The following ESR2 variants were observed in gnomAD, a reference collection of about 807,000 sequenced individuals.
ESR2 encodes estrogen receptor beta.
Under a neutral mutation model 49.6 loss-of-function variants are expected in ESR2, and 36 were observed. The ratio of observed to expected loss-of-function variants is 0.73; its 90% CI spans 0.56 to 0.96. The LOEUF is 0.96. Ranked by LOEUF, ESR2 falls within the 40% of genes least tolerant of loss-of-function variation. The pLI is 0.00. For missense variants in ESR2, 714 were observed against 693.0 expected (o/e 1.03, Z -0.34); for synonymous variants, 320 against 266.1 (o/e 1.20, Z -1.97).
intron 3 of ESR2, among the ~76,000 whole-genome samples, chr14:64,278,375 A>T (rs2076598507): frequency 6.6e-6 from 1 of 152,200 alleles, no homozygotes. Flanking sequence ...GGGGACAGGT[A>T]GGAAGGTGAC....
intron 7 of ESR2, among the ~76,000 whole-genome samples, chr14:64,247,240 TTTTA>T (rs1479620963): frequency 1.3e-5 from 2 of 152,244 alleles, no homozygotes; most frequent in African/African-American, 2.4e-5. Flanking sequence ...TATTTTACAC[TTTTA>T]TTTTTCTCAT....
At position 64,230,478 on chromosome 14, in the gene ESR2, A is replaced by AG. The variant is rs1450462503; in HGVS notation, c.*2658dup. Among the ~76,000 whole-genome samples, 3 of 152,126 alleles carry AG rather than the reference A, an allele frequency of 2.0e-5. No homozygotes were observed. The highest frequency in any genetic ancestry group is 4.4e-5 in the Non-Finnish European group (3 of 68,024). On this transcript the variant is annotated 3_prime_UTR_variant, in exon 9 of 9. Transcript: ENST00000341099. ...TAGTTGCCCTTCCAGCTGAGTTAGC[A>AG]GGGGGAGTATTCCAGACCAAGACTC...
At chr14:64,238,271 A>G (rs1204052062) in intron 7 of ESR2, among the ~76,000 whole-genome samples, 1 of 152,168 alleles carries the variant, frequency 6.6e-6, no homozygotes, top group East Asian at 1.9e-4. Context: ...TGGGGCCCAG[A>G]GTCCATCAGC....
At chr14:64,270,952 AAAG>A (rs1164053854) in intron 3 of ESR2, among the ~76,000 whole-genome samples, 1 of 152,262 alleles carries the variant, frequency 6.6e-6, no homozygotes, top group Non-Finnish European at 1.5e-5. Flanking sequence ...TAATGTAAGC[AAAG>A]AAGATGTATA....
intron 1 of ESR2, among the ~76,000 whole-genome samples, chr14:64,315,015 G>A (rs2077235966): frequency 6.6e-6 from 1 of 151,418 alleles, no homozygotes; most frequent in Non-Finnish European, 1.5e-5. Context: ...GGGAGGCCAA[G>A]GCGGGCAGAT....
intron 1 of ESR2, among the ~76,000 whole-genome samples, chr14:64,299,999 T>TAGTCA (rs762395361): frequency 6.6e-6 from 1 of 152,210 alleles, no homozygotes; most frequent in Non-Finnish European, 1.5e-5. Context: ...GTTCTGCTCA[T>TAGTCA]AGTCAAGTCA....
Position 64,260,747 on chromosome 14 carries a change from G to T in ESR2, c.654C>A (p.Gly218=). Residue 218 remains glycine, a splice_region_variant and synonymous_variant, in exon 5 of 9, where the codon GGC becomes GGA. Transcript: ENST00000341099. Reference sequence around the variant, plus strand: ...GGTACCCACATCTCTCTCTCCGGGAGCCTGAAGAGGAAAGCAGAGTCATTC... The same window carrying T: ...GGTACCCACATCTCTCTCTCCGGGATCCTGAAGAGGAAAGCAGAGTCATTC... ...KCYEVGMVKC[G]SRRERCGYRL... 6.8e-7 allele frequency: 1 copy of T among 1,474,288 alleles called. No individual in the cohort carries two copies. The highest frequency in any genetic ancestry group is 9.0e-7 in the Non-Finnish European group (1 of 1,111,768). 91.3% of individuals were successfully genotyped at this position (1,474,288 alleles called of 1,614,324 possible).
chr14:64,307,105 C>G (rs1295394102), intron 1 of ESR2, among the ~76,000 whole-genome samples: 3 of 151,910 alleles, frequency 2.0e-5, no homozygotes, highest in Non-Finnish European at 2.9e-5. Context: ...GCTGTAGAAT[C>G]TGTAGGTTAT....
rs2098727962 is a variant in ESR2 at position 64,232,267 on chromosome 14, A to G, written c.*870T>C. On this transcript the variant is annotated 3_prime_UTR_variant, in exon 9 of 9. Transcript: ENST00000341099. Reference sequence around the variant, plus strand: ...TGTACAAGATGGAAACTGCATCCACATTGCCCCAGGGAAACACTGTGGCTG... The same window carrying G: ...TGTACAAGATGGAAACTGCATCCACGTTGCCCCAGGGAAACACTGTGGCTG... 1 of 152,204 alleles carries G rather than the reference A, an allele frequency of 6.6e-6. No homozygotes were observed. The highest frequency in any genetic ancestry group is 2.4e-5 in the African/African-American group (1 of 41,436). 9.4% of individuals were successfully genotyped at this position (152,204 alleles called of 1,614,324 possible).
In ESR2 at chr14:64,268,886, A is replaced by G. The variant is rs892311182; in HGVS notation, c.561T>C (p.Ala187=). The G allele has an allele frequency of 1.2e-6, 2 of 1,610,854 alleles. No homozygotes were observed. Among genetic ancestry groups the G allele is most frequent in the South Asian group, 1.1e-5 (1 of 91,014 alleles). The part of the protein sequence containing the change: ...IQGHNDYICP[A]TNQCTIDKNR... ...TTTTATCGATTGTACACTGATTTGT[A>G]GCTGGACAAATATAATCATTATGTC... Residue 187 remains alanine, a synonymous_variant, in exon 4 of 9, where the codon GCT becomes GCC. Transcript: ENST00000341099.
chr14:64,235,235 G>A (rs536952896), intron 7 of ESR2, 85 bp from the exon 8 acceptor site: 17 of 1,434,948 alleles, frequency 1.2e-5, no homozygotes, highest in African/African-American at 1.1e-4. Flanking sequence ...CGCCTGCTCC[G>A]AGGTGATCTG....
At chr14:64,289,034 T>C (rs1380559022) in intron 1 of ESR2, among the ~76,000 whole-genome samples, 1 of 150,326 alleles carries the variant, frequency 6.7e-6, no homozygotes, top group African/African-American at 2.4e-5. Flanking sequence ...CCTGTTCTTA[T>C]GTATATTCTA....
chr14:64,230,992 T>C lies in ESR2; in HGVS notation c.*2145A>G, dbSNP rs575839254. The C allele has an allele frequency of 6.7e-6, 1 of 148,374 alleles. No individual in the cohort carries two copies. Among genetic ancestry groups the C allele is most frequent in the Non-Finnish European group, 1.5e-5 (1 of 67,550 alleles). The allele number at this position is 148,374 out of a possible 1,614,324, so 9.2% of individuals were successfully genotyped here. On this transcript the variant is annotated 3_prime_UTR_variant, in exon 9 of 9. Transcript: ENST00000341099. The stretch of plus-strand genomic sequence containing the variant: ...CCTTGATCTCCCCAGGCTCAGGTGA[T>C]CCTCCCACCTCAGCCTCCCAGGTAG...
At chr14:64,333,963 G>A (rs1306985484) in intron 1 of ESR2, among the ~76,000 whole-genome samples, 1 of 151,672 alleles carries the variant, frequency 6.6e-6, no homozygotes, top group East Asian at 1.9e-4. Context: ...TATATATTAA[G>A]GTCAAATCTT....
chr14:64,305,815 AAT>A (rs1243739632), intron 1 of ESR2, among the ~76,000 whole-genome samples: 2 of 152,234 alleles, frequency 1.3e-5, no homozygotes, highest in African/African-American at 4.8e-5. Flanking sequence ...GATTTAAGTC[AAT>A]GTTAGGTATT....
chr14:64,311,140 T>A (rs2077183488), intron 1 of ESR2, among the ~76,000 whole-genome samples: 1 of 152,106 alleles, frequency 6.6e-6, no homozygotes, highest in Admixed American at 6.6e-5. Context: ...AACTTAGGAG[T>A]TGGTTCCAAA....
upstream of ESR2, among the ~76,000 whole-genome samples, chr14:64,295,875 C>T (rs1480874621): frequency 6.6e-6 from 1 of 152,006 alleles, no homozygotes; most frequent in Admixed American, 6.5e-5. Flanking sequence ...GAAACCTCGT[C>T]TCTACTAAAA....
chr14:64,285,134 C>T (rs1272985984), intron 1 of ESR2, among the ~76,000 whole-genome samples: 1 of 152,176 alleles, frequency 6.6e-6, no homozygotes, highest in Non-Finnish European at 1.5e-5. Flanking sequence ...CAGGCGTGAG[C>T]CACTGTGCCC....
upstream of ESR2, chr14:64,297,758 G>A (rs904605719): frequency 6.6e-6 from 1 of 152,204 alleles, no homozygotes; most frequent in African/African-American, 2.4e-5. Context: ...AGGAAAAGTG[G>A]AGGGAAAGGA....
Sources: gnomAD v4.1 joint callset for allele counts (sites outside exome capture counted in the v4.1 genomes callset) on GRCh38, gnomAD v4.1.1 for gene constraint, MANE v1.5 for transcripts, NCBI Gene and HGNC (gene_info 2026-07-23, HGNC 2026-07-21) for gene names.